FLNB: variants seen among roughly 807,000 people sequenced by gnomAD.
The protein encoded by FLNB is filamin-B.
A neutral mutation model predicts 250.6 loss-of-function variants in FLNB; 111 were observed. The observed-to-expected ratio is 0.44, with a 90% CI of 0.38 to 0.52. FLNB has a LOEUF of 0.52. FLNB is among the 20% of genes least tolerant of loss of function. The pLI, the probability that FLNB is intolerant of heterozygous loss-of-function variation, is 0.00. For missense variants in FLNB, 2,869 were observed against 3,447.8 expected, an observed-to-expected ratio of 0.83 and a Z score of 4.20; for synonymous variants, 1,302 against 1,372.1, an observed-to-expected ratio of 0.95 and a Z score of 1.13.
At position 58,124,405 on chromosome 3, in the gene FLNB, C is replaced by T. The variant is rs1282662541; in HGVS notation, c.3798C>T (p.Ile1266=). 5 of 1,614,240 alleles carry T rather than the reference C, an allele frequency of 3.1e-6. No individual in the cohort carries two copies. The highest frequency in any genetic ancestry group is 4.2e-6 in the Non-Finnish European group (5 of 1,180,034). ...TGACCCAGGTTGGGGGTGACCACAT[C>T]AAGGCCCACATTGCCAACCCCTCAG... ...RPLTQVGGDH[I]KAHIANPSGA... is the part of the protein sequence containing the mutation. Residue 1266 remains isoleucine, a synonymous_variant, in exon 22 of 46, where the codon ATC becomes ATT. Coordinates refer to ENST00000295956, the MANE Select transcript of FLNB (RefSeq NM_001457.4).
intron 45 of FLNB, among the ~76,000 whole-genome samples, chr3:58,170,253 G>C (rs747996532): frequency 1.4e-4 from 22 of 152,156 alleles, no homozygotes; most frequent in Non-Finnish European, 2.9e-4. Flanking sequence ...TGTGTGCTAG[G>C]TTTTGACACC....
At chr3:58,069,328 C>A (rs557382043) in intron 1 of FLNB, among the ~76,000 whole-genome samples, 2 of 147,128 alleles carry the variant, frequency 1.4e-5, no homozygotes, top group Admixed American at 6.9e-5. Context: ...AGACCTCCGT[C>A]TCCCAGGTTC....
intron 11 of FLNB, 103 bp from the exon 12 acceptor site, chr3:58,106,577 C>T: frequency 1.9e-6 from 2 of 1,079,420 alleles, no homozygotes; most frequent in Middle Eastern, 2.0e-4. Flanking sequence ...ATCTTCTGGC[C>T]AACACTTGGC....
intron 2 of FLNB, 126 bp downstream of exon 2, chr3:58,077,420 T>G (rs1025951603): frequency 8.9e-6 from 11 of 1,240,748 alleles, no homozygotes; most frequent in African/African-American, 1.5e-5. Context: ...CTTAGCCCAT[T>G]ATAAGCCCAT....
At chr3:58,041,070 C>T (rs754899399) in intron 1 of FLNB, among the ~76,000 whole-genome samples, 4 of 152,058 alleles carry the variant, frequency 2.6e-5, no homozygotes, top group Non-Finnish European at 5.9e-5. Flanking sequence ...GTGTTAATCC[C>T]GTTTTGCAGC....
chr3:58,025,097 CT>C lies in FLNB; in HGVS notation c.292+16249del, dbSNP rs1335817267. The stretch of plus-strand genomic sequence containing the variant: ...CCTGTAATGTCCTTCCCTTCCATTT[CT>C]TTTTTTTCTTTTTTCTTTTCTTCTT... On this transcript the variant is annotated intron_variant, in intron 1 of 45. Transcript: ENST00000295956. 1.2e-4 allele frequency among the ~76,000 whole-genome samples: 16 copies of C among 131,536 alleles called. No homozygotes were observed. The East Asian group carries it at 2.9e-3, about 24-fold the overall frequency. 86.3% of individuals were successfully genotyped at this position (131,536 alleles called of 152,430 possible). A position where few individuals can be genotyped will look rare whatever the true frequency, so the allele number is the denominator to read the frequency against.
In FLNB at chr3:58,117,274, C is replaced by T. The variant is rs74602609; in HGVS notation, c.2746-1598C>T. ...TGTAGGCATTGTAGGTGTAAATCTC[C>T]GAGATTTTTTCCCTCCCCCTTCTTA... On this transcript the variant is annotated intron_variant, in intron 18 of 45. Coordinates refer to ENST00000295956, the MANE Select transcript of FLNB (RefSeq NM_001457.4). Among the ~76,000 whole-genome samples the T allele has an allele frequency of 3.8e-3, 581 of 152,192 alleles. 2 individuals carry two copies. Among genetic ancestry groups the T allele is most frequent in the Non-Finnish European group, 5.4e-3 (369 of 68,006 alleles).
chr3:58,065,708 C>G (rs1332509710), intron 1 of FLNB, among the ~76,000 whole-genome samples: 1 of 152,178 alleles, frequency 6.6e-6, no homozygotes, highest in African/African-American at 2.4e-5. Context: ...CCTGCCTTCA[C>G]CCATCACTCT....
chr3:58,051,129 C>T (rs1233666745), intron 1 of FLNB, among the ~76,000 whole-genome samples: 1 of 152,194 alleles, frequency 6.6e-6, no homozygotes, highest in African/African-American at 2.4e-5. Flanking sequence ...TGGAGTTGTC[C>T]CAGGAATCAA....
At chr3:58,017,576 A>C (rs1465051877) in intron 1 of FLNB, among the ~76,000 whole-genome samples, 10 of 152,064 alleles carry the variant, frequency 6.6e-5, no homozygotes, top group Admixed American at 6.5e-4. Context: ...ATTCTGTGGG[A>C]GGGGAGGAGG....
In FLNB at chr3:58,118,869, C is replaced by T. The variant is rs202103586; in HGVS notation, c.2746-3C>T. 5.0e-6 allele frequency: 8 copies of T among 1,612,220 alleles called. No homozygotes were observed. Among genetic ancestry groups the T allele is most frequent in the African/African-American group, 1.3e-5 (1 of 74,938 alleles). ...GTAAACTGAGTTTTCTCTCTTGTTCCAGGGCAACATGCAGGTTCTGGTGAC... is the reference window on the plus strand; with the variant it reads ...GTAAACTGAGTTTTCTCTCTTGTTCTAGGGCAACATGCAGGTTCTGGTGAC... On this transcript the variant is annotated splice_polypyrimidine_tract_variant and splice_region_variant and intron_variant, in intron 18 of 45. Coordinates refer to ENST00000295956, the MANE Select transcript of FLNB (RefSeq NM_001457.4).
chr3:58,094,599 T>G (rs2097234690), intron 4 of FLNB, among the ~76,000 whole-genome samples: 1 of 152,258 alleles, frequency 6.6e-6, no homozygotes, highest in Non-Finnish European at 1.5e-5. Context: ...CAATTTTATA[T>G]AGACTCCTGA....
chr3:58,111,022 G>T (rs1242573843), intron 16 of FLNB, among the ~76,000 whole-genome samples: 1 of 152,182 alleles, frequency 6.6e-6, no homozygotes, highest in East Asian at 1.9e-4. Context: ...GTGTTCAGTG[G>T]TTAAAAGCAG....
chr3:58,056,042 G>A (rs372722922), intron 1 of FLNB, among the ~76,000 whole-genome samples: 2 of 150,700 alleles, frequency 1.3e-5, no homozygotes, highest in South Asian at 2.1e-4. Flanking sequence ...TATGGTCTTC[G>A]TTTGTAATGA....
rs926837310 is a variant in FLNB at position 58,078,203 on chromosome 3, A to G, written c.542-514A>G. The G allele has an allele frequency of 4.2e-6, 5 of 1,193,812 alleles. No individual in the cohort carries two copies. The Admixed American group carries it at 1.5e-4, about 36-fold the overall frequency. The allele number at this position is 1,193,812 out of a possible 1,614,324, so 74.0% of individuals were successfully genotyped here. A position where few individuals can be genotyped will look rare whatever the true frequency, so the allele number is the denominator to read the frequency against. On this transcript the variant is annotated intron_variant, in intron 2 of 45. Transcript: ENST00000295956. ...TCCTAATATCCTCTTCTTTACTTCC[A>G]TTTAAGGACACATTTTAGGATACCT...
At chr3:58,094,769 G>A (rs2097235088) in intron 4 of FLNB, 67 bp from the exon 5 acceptor site, 2 of 1,282,718 alleles carry the variant, frequency 1.6e-6, no homozygotes, top group East Asian at 2.3e-5. Context: ...TGAAAGAGAT[G>A]CAGTGGGCGA....
chr3:58,070,265 G>A lies in FLNB; in HGVS notation c.293-6781G>A, dbSNP rs911091947. Among the ~76,000 whole-genome samples, 5 of 151,884 alleles carry A rather than the reference G, an allele frequency of 3.3e-5. No individual in the cohort carries two copies. The East Asian group carries it at 5.8e-4, about 18-fold the overall frequency. On this transcript the variant is annotated intron_variant, in intron 1 of 45. Coordinates refer to ENST00000295956, the MANE Select transcript of FLNB (RefSeq NM_001457.4). ...TCACCATGTTGGCCAGGCTGGTCTC[G>A]AACTCCTGACCTCAGTGATCTGCCT...
chr3:58,132,956 C>G (rs377060743), intron 26 of FLNB, 25 bp downstream of exon 26: 1 of 1,602,758 alleles, frequency 6.2e-7, no homozygotes, highest in African/African-American at 1.3e-5. Context: ...TCTGCCCATC[C>G]ATTCCTCCAT....
intron 1 of FLNB, among the ~76,000 whole-genome samples, chr3:58,029,756 G>A (rs11130609): frequency 2.6e-5 from 4 of 151,540 alleles, no homozygotes; most frequent in African/African-American, 4.9e-5. Flanking sequence ...CAACCCCCCC[G>A]ACCTCCCCGG....
Sources: gnomAD v4.1 joint callset for allele counts (sites outside exome capture counted in the v4.1 genomes callset) on GRCh38, gnomAD v4.1.1 for gene constraint, MANE v1.5 for transcripts, NCBI Gene and HGNC (gene_info 2026-07-23, HGNC 2026-07-21) for gene names.